RASA3: variants seen among roughly 807,000 people sequenced by gnomAD.
RASA3 encodes RAS p21 protein activator 3.
In RASA3, 73 loss-of-function variants were observed where a neutral mutation model predicts 110.0. The observed-to-expected ratio is 0.66, with a 90% CI of 0.55 to 0.81. The LOEUF (loss-of-function observed/expected upper bound fraction) is 0.81. RASA3 is among the 30% of genes least tolerant of loss of function. RASA3 has a pLI of 0.00. For synonymous variants in RASA3, 500 were observed against 451.4 expected (o/e 1.11, Z -1.37); for missense variants, 976 against 1,113.2 (o/e 0.88, Z 1.75).
At chr13:114,010,524 G>T in intron 16 of RASA3, among the ~76,000 whole-genome samples, 1 of 151,242 alleles carries the variant, frequency 6.6e-6, no homozygotes, top group Non-Finnish European at 1.5e-5. Flanking sequence ...GATCCAGTCT[G>T]AAGGGACGAG....
In RASA3 at chr13:114,017,288, C is replaced by T. The variant is rs752090660; in HGVS notation, c.1155G>A (p.Lys385=). The T allele has an allele frequency of 2.5e-6, 4 of 1,613,998 alleles. No individual in the cohort carries two copies. Among genetic ancestry groups the T allele is most frequent in the Non-Finnish European group, 3.4e-6 (4 of 1,180,040 alleles). The change falls in exon 12 of 24, where the codon AAG becomes AAA. Residue 385 remains lysine (K), a synonymous_variant. Coordinates refer to ENST00000334062, the MANE Select transcript of RASA3 (RefSeq NM_007368.4). ...CATGCAGGTAATGCATCCCCGCCAG[C>T]TTCATGGTCTCGTCGATGCACTTGG... ...LASKCIDETM[K]LAGMHYLHVT... is the part of the protein sequence containing the mutation.
Position 114,052,085 on chromosome 13 carries a change from C to T in RASA3, c.244G>A (p.Asp82Asn), listed in dbSNP as rs768252374. 53 of 1,612,618 alleles carry T rather than the reference C, an allele frequency of 3.3e-5. No homozygotes were observed. Among genetic ancestry groups the T allele is most frequent in the Non-Finnish European group, 4.1e-5 (48 of 1,179,098 alleles). The change falls in exon 3 of 24, where the codon GAT becomes AAT. Residue 82 changes from aspartate (D) to asparagine (N), a missense_variant. Coordinates refer to ENST00000334062, the MANE Select transcript of RASA3 (RefSeq NM_007368.4). ...SFRHLSFYIF[D>N]RDVFRRDSII... ...GAATCCCTCCGGAAAACGTCTCTATCGAAAATGTAGAAGGACAGGTGACGA... is the reference window on the plus strand; with the variant it reads ...GAATCCCTCCGGAAAACGTCTCTATTGAAAATGTAGAAGGACAGGTGACGA...
chr13:114,083,508 G>A (rs1050012781), intron 1 of RASA3, among the ~76,000 whole-genome samples: 1 of 152,246 alleles, frequency 6.6e-6, no homozygotes, highest in African/African-American at 2.4e-5. Flanking sequence ...ATCACAGGAA[G>A]TGCTGAGTCT....
Position 114,027,369 on chromosome 13 carries a change from T to C in RASA3, c.603+20A>G, listed in dbSNP as rs779476983. 8.9e-6 allele frequency: 14 copies of C among 1,579,866 alleles called. No individual in the cohort carries two copies. Among genetic ancestry groups the C allele is most frequent in the Non-Finnish European group, 1.1e-5 (13 of 1,149,396 alleles). On this transcript the variant is annotated intron_variant, in intron 7 of 23. Transcript: ENST00000334062. Reference sequence around the variant, plus strand: ...CGGGTGCAGAGTTTCCACTTAACGTTGACCCATGAAGATACCAACCTCAAA... The same window carrying C: ...CGGGTGCAGAGTTTCCACTTAACGTCGACCCATGAAGATACCAACCTCAAA...
At chr13:113,980,452 TG>T in intron 23 of RASA3, among the ~76,000 whole-genome samples, 1 of 99,250 alleles carries the variant, frequency 1.0e-5, no homozygotes, top group Non-Finnish European at 2.1e-5. Flanking sequence ...CTGCCATGTG[TG>T]TGCACCTCCA....
At chr13:114,052,375 G>A (rs1222719577) in intron 2 of RASA3, among the ~76,000 whole-genome samples, 1 of 152,206 alleles carries the variant, frequency 6.6e-6, no homozygotes, top group Non-Finnish European at 1.5e-5. Context: ...ATGAACTTCT[G>A]TACTGGGCTG....
intron 1 of RASA3, among the ~76,000 whole-genome samples, chr13:114,116,206 G>A (rs2139773890): frequency 6.6e-6 from 1 of 152,266 alleles, no homozygotes; most frequent in African/African-American, 2.4e-5. Flanking sequence ...CCTTGAGAAG[G>A]TCATCACAGA....
intron 3 of RASA3, 46 bp from the exon 4 acceptor site, chr13:114,041,140 A>G: frequency 6.5e-7 from 1 of 1,537,234 alleles, no homozygotes; most frequent in Admixed American, 1.7e-5. Flanking sequence ...CAGGCCCCAG[A>G]GCCAGGACGC....
At chr13:113,982,169 A>T (rs1224319813) in intron 22 of RASA3, among the ~76,000 whole-genome samples, 1 of 152,116 alleles carries the variant, frequency 6.6e-6, no homozygotes, top group African/African-American at 2.4e-5. Context: ...TCACAGGGGG[A>T]TGTGCACATC....
At chr13:114,124,707 C>T (rs1289619853) in intron 1 of RASA3, among the ~76,000 whole-genome samples, 4 of 152,254 alleles carry the variant, frequency 2.6e-5, no homozygotes, top group Admixed American at 6.5e-5. Context: ...GCTGGACGCC[C>T]GCTGCGGCCT....
intron 1 of RASA3, among the ~76,000 whole-genome samples, chr13:114,078,249 C>G (rs1001980044): frequency 6.6e-6 from 1 of 152,220 alleles, no homozygotes; most frequent in African/African-American, 2.4e-5. Flanking sequence ...TCTTCTCCAC[C>G]GCACCCCAAA....
intron 4 of RASA3, among the ~76,000 whole-genome samples, chr13:114,031,496 G>C (rs6560953): frequency 6.6e-6 from 1 of 151,138 alleles, no homozygotes; most frequent in African/African-American, 2.4e-5. Flanking sequence ...GTGTGTGCGC[G>C]ACTGTGTCTG....
intron 3 of RASA3, among the ~76,000 whole-genome samples, chr13:114,045,884 G>A (rs1288663144): frequency 6.6e-6 from 1 of 152,176 alleles, no homozygotes; most frequent in Non-Finnish European, 1.5e-5. Flanking sequence ...TGTGCAAAAT[G>A]TGTAGGCTGA....
At position 114,075,691 on chromosome 13, in the gene RASA3, G is replaced by A. The variant is rs561089808; in HGVS notation, c.56-1854C>T. 2.4e-4 allele frequency among the ~76,000 whole-genome samples: 17 copies of A among 71,466 alleles called. No homozygotes were observed. In the South Asian group the frequency reaches 7.0e-3, roughly 30 times the overall value. 46.9% of individuals were successfully genotyped at this position (71,466 alleles called of 152,430 possible). A position where few individuals can be genotyped will look rare whatever the true frequency, so the allele number is the denominator to read the frequency against. ...CCGTGTCCGCACCGCGTATCTCTGC[G>A]TGTGGAGGCGCCGGCAGGACGAAGC... is the stretch of plus-strand genomic sequence containing the variant. On this transcript the variant is annotated intron_variant, in intron 1 of 23. Coordinates refer to ENST00000334062, the MANE Select transcript of RASA3 (RefSeq NM_007368.4).
intron 7 of RASA3, among the ~76,000 whole-genome samples, chr13:114,026,847 C>CG (rs761220199): frequency 4.1e-4 from 62 of 152,334 alleles, no homozygotes; most frequent in Non-Finnish European, 6.9e-4. Flanking sequence ...CCATCCCAAA[C>CG]GGGGTCACAT....
At chr13:114,030,430 G>GCAAGACTCACGCAGAGA (rs2054131547) in intron 4 of RASA3, among the ~76,000 whole-genome samples, 4 of 64,862 alleles carry the variant, frequency 6.2e-5, no homozygotes, top group African/African-American at 1.9e-4. Context: ...TCACACAGAG[G>GCAAGACTCACGCAGAGA]GCAAGGCTCA....
intron 2 of RASA3, among the ~76,000 whole-genome samples, chr13:114,067,191 C>G (rs1276228224): frequency 2.1e-5 from 3 of 145,870 alleles, no homozygotes; most frequent in African/African-American, 7.7e-5. Flanking sequence ...TACTCTGGGG[C>G]TGAGGACGGG....
Position 113,979,393 on chromosome 13 carries a change from T to C in RASA3, c.2459A>G (p.Gln820Arg), listed in dbSNP as rs746291743. 2 of 1,605,056 alleles carry C rather than the reference T, an allele frequency of 1.2e-6. No individual in the cohort carries two copies. Among genetic ancestry groups the C allele is most frequent in the Non-Finnish European group, 8.5e-7 (1 of 1,172,704 alleles). The change falls in exon 24 of 24, where the codon CAG becomes CGG. Residue 820 changes from glutamine (Q) to arginine (R), a missense_variant. Gln to Arg is a conservative substitution (Grantham distance 43). Around this residue, in one of 4 missense-constraint regions of RASA3, gnomAD observed 132 missense variants for 152.8 expected, o/e 0.86. Transcript: ENST00000334062. ...CTCGGACTGCTGCCGGATGTAGTTC[T>C]GGAAGCTCTTGTCTCCGATGGGGTG... ...QEHPIGDKSF[Q>R]NYIRQQSETS...
intron 1 of RASA3, among the ~76,000 whole-genome samples, chr13:114,082,527 G>A (rs1267717187): frequency 6.6e-6 from 1 of 152,210 alleles, no homozygotes; most frequent in African/African-American, 2.4e-5. Flanking sequence ...GTGGACACAC[G>A]CGCTTGAATG....
Sources: gnomAD v4.1 joint callset for allele counts (sites outside exome capture counted in the v4.1 genomes callset) on GRCh38, gnomAD v4.1.1 for gene constraint, gnomAD v4.1.1 regional missense constraint, MANE v1.5 for transcripts, NCBI Gene and HGNC (gene_info 2026-07-23, HGNC 2026-07-21) for gene names.